Variants in BPI observed in about 807,000 individuals in gnomAD.
The protein encoded by BPI is bactericidal permeability-increasing protein.
A neutral mutation model predicts 57.6 loss-of-function variants in BPI; 48 were observed. The observed-to-expected ratio is 0.83, with a 90% CI of 0.66 to 1.06. The LOEUF (loss-of-function observed/expected upper bound fraction) is 1.06, where lower values mean the gene tolerates loss of function less well. Ranked by LOEUF, BPI falls within the 50% of genes least tolerant of loss-of-function variation. The pLI, the probability that BPI is intolerant of heterozygous loss-of-function variation, is 0.00. For synonymous variants in BPI, 237 were observed against 238.2 expected, an observed-to-expected ratio of 0.99 and a Z score of 0.05; for missense variants, 651 against 609.7, an observed-to-expected ratio of 1.07 and a Z score of -0.71.
At chr20:38,313,485 C>T (rs1202215517) in intron 5 of BPI, among the ~76,000 whole-genome samples, 1 of 151,660 alleles carries the variant, frequency 6.6e-6, no homozygotes, top group Non-Finnish European at 1.5e-5. Context: ...AGAAAATGTG[C>T]TCACTCACTA....
chr20:38,328,170 G>A (rs1282460269), intron 11 of BPI, among the ~76,000 whole-genome samples: 2 of 152,186 alleles, frequency 1.3e-5, no homozygotes, highest in African/African-American at 2.4e-5. Flanking sequence ...TTAGGAGTGT[G>A]GCCCCAACAT....
chr20:38,328,756 G>T (rs937602393), intron 11 of BPI, among the ~76,000 whole-genome samples: 1 of 152,108 alleles, frequency 6.6e-6, no homozygotes, highest in African/African-American at 2.4e-5. Context: ...CAGCACCTTG[G>T]GAGGCCATGG....
intron 3 of BPI, among the ~76,000 whole-genome samples, chr20:38,310,177 C>T (rs1265206849): frequency 1.3e-5 from 2 of 152,182 alleles, no homozygotes; most frequent in Non-Finnish European, 1.5e-5. Flanking sequence ...GACTGCTGAT[C>T]CAGGGTCTGA....
intron 10 of BPI, 200 bp downstream of exon 10, chr20:38,326,632 G>A (rs8118267): frequency 0.048 from 25,377 of 530,366 alleles, 3,548 homozygotes; most frequent in East Asian, 0.46. Context: ...TAGTGCGTTT[G>A]TTTACTTATT....
chr20:38,306,993 G>A (rs1022519584), intron 1 of BPI, among the ~76,000 whole-genome samples: 2 of 152,036 alleles, frequency 1.3e-5, no homozygotes, highest in Non-Finnish European at 2.9e-5. Context: ...AACCAGCTGG[G>A]CAACATGGTG....
chr20:38,335,752 C>A, intron 14 of BPI, 78 bp downstream of exon 14: 1 of 1,419,538 alleles, frequency 7.0e-7, no homozygotes, highest in Non-Finnish European at 9.9e-7. Flanking sequence ...ATGCTTCCTG[C>A]ATGCCAAGCC....
intron 12 of BPI, 141 bp downstream of exon 12, chr20:38,331,231 G>C (rs768309686): frequency 2.8e-5 from 29 of 1,050,816 alleles, no homozygotes; most frequent in African/African-American, 3.2e-5. Context: ...AGTTCAAGGA[G>C]CTTCGTGGGC....
At chr20:38,335,447 T>C (rs949196097) in intron 13 of BPI, 151 bp from the exon 14 acceptor site, 3 of 693,898 alleles carry the variant, frequency 4.3e-6, no homozygotes, top group Non-Finnish European at 7.5e-6. Context: ...TGGGGCAGCC[T>C]TCCTTTCAGG....
intron 12 of BPI, among the ~76,000 whole-genome samples, chr20:38,334,124 C>G (rs2076755348): frequency 6.6e-6 from 1 of 152,212 alleles, no homozygotes; most frequent in South Asian, 2.1e-4. Context: ...AAGCTTTTCC[C>G]ATTTAAATAC....
chr20:38,309,107 G>C, intron 3 of BPI, 49 bp downstream of exon 3: 1 of 1,612,508 alleles, frequency 6.2e-7, no homozygotes, highest in Non-Finnish European at 8.5e-7. Context: ...GGTGATATTT[G>C]GACGGGATTA....
chr20:38,310,737 G>C, intron 4 of BPI, 85 bp downstream of exon 4: 1 of 1,520,886 alleles, frequency 6.6e-7, no homozygotes, highest in Non-Finnish European at 8.9e-7. Flanking sequence ...AACACATCCA[G>C]AGTGCCACCT....
intron 13 of BPI, 49 bp from the exon 14 acceptor site, chr20:38,335,549 G>A (rs2076763165): frequency 6.4e-7 from 1 of 1,550,996 alleles, no homozygotes; most frequent in East Asian, 2.2e-5. Flanking sequence ...CTCCTCCCCT[G>A]CCCTTCTCTT....
intron 1 of BPI, among the ~76,000 whole-genome samples, chr20:38,305,101 G>T (rs2076590796): frequency 6.6e-6 from 1 of 152,216 alleles, no homozygotes; most frequent in African/African-American, 2.4e-5. Context: ...GTGACACCCA[G>T]CCCCAGGGAA....
At chr20:38,325,789 C>A (rs1307877128) in intron 9 of BPI, among the ~76,000 whole-genome samples, 1 of 152,016 alleles carries the variant, frequency 6.6e-6, no homozygotes, top group Non-Finnish European at 1.5e-5. Context: ...ATTTGCATAA[C>A]AATCACATTA....
At chr20:38,331,205 T>TCACAACCAAATTAAA in intron 12 of BPI, 115 bp downstream of exon 12, 1 of 1,318,904 alleles carries the variant, frequency 7.6e-7, no homozygotes, top group South Asian at 1.3e-5. Context: ...TGCATTTAAT[T>TCACAACCAAATTAAA]TGGTTGTGAA....
chr20:38,304,396 C>G (rs5741798), intron 1 of BPI, 43 bp downstream of exon 1: 308,856 of 1,601,132 alleles, frequency 0.19, 32,791 homozygotes, highest in East Asian at 0.46. Context: ...CCCTGAGGAG[C>G]ACTTACTTAG....
rs145766396 is a variant in BPI, at chr20:38,326,545, A to C, written c.1161+113A>C. ...TCTGGATTCAAACCTGGACTGTGTCACTCCGGAGCCTGAGGCTTGAGTCAC... is the reference window on the plus strand; with the variant it reads ...TCTGGATTCAAACCTGGACTGTGTCCCTCCGGAGCCTGAGGCTTGAGTCAC... On this transcript the variant is annotated intron_variant, in intron 10 of 14. Transcript: ENST00000642449. 3.1e-6 allele frequency: 4 copies of C among 1,286,778 alleles called. No homozygotes were observed. In the East Asian group the frequency reaches 8.1e-5, roughly 26 times the overall value. 79.7% of individuals were successfully genotyped at this position (1,286,778 alleles called of 1,614,324 possible).
intron 11 of BPI, among the ~76,000 whole-genome samples, chr20:38,328,114 G>A (rs6069757): frequency 0.59 from 90,165 of 151,942 alleles, 27,016 homozygotes; most frequent in African/African-American, 0.67. Flanking sequence ...GGGAGACTCT[G>A]GAATCCACAT....
chr20:38,321,680 T>A (rs553391365), intron 7 of BPI: 2 of 152,132 alleles, frequency 1.3e-5, no homozygotes, highest in South Asian at 4.1e-4. Context: ...AAAAGAAACT[T>A]TAGAAACTGC....
Sources: gnomAD v4.1 joint callset for allele counts (sites outside exome capture counted in the v4.1 genomes callset) on GRCh38, gnomAD v4.1.1 for gene constraint, MANE v1.5 for transcripts, NCBI Gene and HGNC (gene_info 2026-07-23, HGNC 2026-07-21) for gene names.